PIP5K1B: variants seen among roughly 807,000 people sequenced by gnomAD.
PIP5K1B encodes phosphatidylinositol 4-phosphate 5-kinase type-1 beta.
Under a neutral mutation model 67.0 loss-of-function variants are expected in PIP5K1B, and 42 were observed. That is an observed-to-expected ratio of 0.63 (90% CI 0.49 to 0.81). PIP5K1B has a LOEUF of 0.81. PIP5K1B is among the 30% of genes least tolerant of loss of function. The probability of loss-of-function intolerance (pLI) is 0.00; values close to 1 mark genes in which losing one functional copy is unlikely to be tolerated. For missense variants in PIP5K1B, 459 were observed against 646.3 expected (o/e 0.71, Z 3.14); for synonymous variants, 214 against 231.4 (o/e 0.92, Z 0.68).
At chr9:68,817,199 G>A (rs1833488564) in intron 2 of PIP5K1B, among the ~76,000 whole-genome samples, 1 of 152,220 alleles carries the variant, frequency 6.6e-6, no homozygotes, top group Non-Finnish European at 1.5e-5. Context: ...TGCCTATCAG[G>A]TGAGCAAACA....
At chr9:68,750,335 C>T (rs1231880574) in intron 2 of PIP5K1B, among the ~76,000 whole-genome samples, 3 of 152,242 alleles carry the variant, frequency 2.0e-5, no homozygotes, top group African/African-American at 7.2e-5. Context: ...GTTATGCTAA[C>T]TCACTGAACT....
intron 15 of PIP5K1B, among the ~76,000 whole-genome samples, chr9:69,004,517 G>C (rs1830983661): frequency 1.3e-5 from 2 of 152,158 alleles, no homozygotes; most frequent in Non-Finnish European, 1.5e-5. Flanking sequence ...GTCCCGTGAG[G>C]TCTCTGATCC....
At chr9:68,946,691 G>A (rs1215841586) in intron 14 of PIP5K1B, among the ~76,000 whole-genome samples, 1 of 152,160 alleles carries the variant, frequency 6.6e-6, no homozygotes, top group Admixed American at 6.5e-5. Context: ...ACCACGCCCA[G>A]CCTGTTCTTT....
At chr9:68,915,265 A>G (rs1246086495) in intron 8 of PIP5K1B, among the ~76,000 whole-genome samples, 1 of 151,862 alleles carries the variant, frequency 6.6e-6, no homozygotes, top group African/African-American at 2.4e-5. Context: ...ACTGATAAAT[A>G]TGAGTAGGGA....
chr9:68,792,935 T>A (rs1217532688), intron 2 of PIP5K1B, among the ~76,000 whole-genome samples: 1 of 152,200 alleles, frequency 6.6e-6, no homozygotes, highest in Admixed American at 6.5e-5. Flanking sequence ...GGCTAGTCTC[T>A]TAGGATACTT....
At chr9:68,918,661 A>G (rs973101561) in intron 9 of PIP5K1B, among the ~76,000 whole-genome samples, 1 of 152,230 alleles carries the variant, frequency 6.6e-6, no homozygotes, top group African/African-American at 2.4e-5. Context: ...AAAGAAAGCA[A>G]TCATTTTCCA....
At chr9:68,710,520 G>A (rs1318451255) in intron 1 of PIP5K1B, among the ~76,000 whole-genome samples, 2 of 152,082 alleles carry the variant, frequency 1.3e-5, no homozygotes, top group East Asian at 3.8e-4. Flanking sequence ...GGGAAAACAG[G>A]CTTGCTTTTG....
At chr9:68,929,483 C>T (rs1018431969) in intron 12 of PIP5K1B, among the ~76,000 whole-genome samples, 4 of 152,152 alleles carry the variant, frequency 2.6e-5, no homozygotes, top group African/African-American at 9.7e-5. Flanking sequence ...TCTTTTTCCT[C>T]CTTCACTGTC....
chr9:68,892,739 A>C (rs1449704210), intron 7 of PIP5K1B, among the ~76,000 whole-genome samples: 1 of 152,186 alleles, frequency 6.6e-6, no homozygotes, highest in African/African-American at 2.4e-5. Context: ...CACACACACA[A>C]ATAAGAAACA....
chr9:68,930,613 A>G (rs1826949543), intron 12 of PIP5K1B, among the ~76,000 whole-genome samples: 1 of 151,366 alleles, frequency 6.6e-6, no homozygotes, highest in African/African-American at 2.4e-5. Flanking sequence ...TTTTTTTTGC[A>G]TAAAGTTGTG....
At chr9:68,941,599 A>G (rs1827564426) in intron 14 of PIP5K1B, among the ~76,000 whole-genome samples, 2 of 152,222 alleles carry the variant, frequency 1.3e-5, no homozygotes, top group South Asian at 4.1e-4. Context: ...CAAATTTTAA[A>G]AAATAAGTAA....
At chr9:68,903,661 A>G (rs1037266328) in intron 8 of PIP5K1B, among the ~76,000 whole-genome samples, 1 of 152,236 alleles carries the variant, frequency 6.6e-6, no homozygotes, top group Non-Finnish European at 1.5e-5. Context: ...CAGAAGGAAC[A>G]CAATAATCCA....
intron 14 of PIP5K1B, among the ~76,000 whole-genome samples, chr9:68,967,766 G>A (rs781230901): frequency 9.2e-5 from 14 of 152,120 alleles, no homozygotes; most frequent in Non-Finnish European, 1.9e-4. Context: ...GAGACTCATG[G>A]ACATACTGGT....
intron 11 of PIP5K1B, 118 bp downstream of exon 11, chr9:68,919,847 T>TC: frequency 1.7e-6 from 1 of 586,004 alleles, no homozygotes; most frequent in Admixed American, 3.3e-5. Flanking sequence ...ACGGTCTTTA[T>TC]AAACTCAGAA....
chr9:68,852,199 T>C lies in PIP5K1B; in HGVS notation c.70-11638T>C, dbSNP rs192361084. 8.5e-5 allele frequency among the ~76,000 whole-genome samples: 13 copies of C among 152,288 alleles called. No homozygotes were observed. The East Asian group carries it at 2.5e-3, about 29-fold the overall frequency. ...ACCTATGTAACAAACCTGCATGTTC[T>C]GTACATGTATCCTAGAACTCAAAGT... is the stretch of plus-strand genomic sequence containing the variant. On this transcript the variant is annotated intron_variant, in intron 4 of 15. Coordinates refer to ENST00000265382, the MANE Select transcript of PIP5K1B (RefSeq NM_003558.4).
chr9:68,893,780 T>C (rs1248026396), intron 7 of PIP5K1B, among the ~76,000 whole-genome samples: 1 of 152,154 alleles, frequency 6.6e-6, no homozygotes, highest in East Asian at 1.9e-4. Context: ...ATCTTTAAGG[T>C]GACTAAAAAT....
intron 2 of PIP5K1B, among the ~76,000 whole-genome samples, chr9:68,799,308 A>C (rs1309937270): frequency 6.6e-6 from 1 of 152,242 alleles, no homozygotes; most frequent in Non-Finnish European, 1.5e-5. Context: ...TTTAGGGTAC[A>C]CAACAGTTGT....
chr9:68,778,461 CTA>C (rs1392696852), intron 2 of PIP5K1B, among the ~76,000 whole-genome samples: 12 of 152,206 alleles, frequency 7.9e-5, no homozygotes, highest in Admixed American at 2.0e-4. Context: ...ATAAAAAAAG[CTA>C]TGAGTCCCCT....
chr9:68,961,280 C>T (rs1342978844), intron 14 of PIP5K1B, among the ~76,000 whole-genome samples: 1 of 151,130 alleles, frequency 6.6e-6, no homozygotes, highest in Non-Finnish European at 1.5e-5. Context: ...TTAGCAGTTA[C>T]CTAGTGCTGG....
Sources: allele counts gnomAD v4.1 joint callset (sites outside exome capture counted in the v4.1 genomes callset), GRCh38; gene constraint gnomAD v4.1.1; transcripts MANE v1.5; gene names NCBI Gene and HGNC (gene_info 2026-07-23, HGNC 2026-07-21).